AR: variants seen among roughly 807,000 people sequenced by gnomAD.
AR encodes dihydrotestosterone receptor.
AR carries 8 observed loss-of-function variants against 53.9 expected under a neutral mutation model. The observed-to-expected ratio is 0.15, with a 90% CI of 0.09 to 0.27. The LOEUF (loss-of-function observed/expected upper bound fraction) is 0.27. Ranked by LOEUF, AR falls within the 10% of genes least tolerant of loss-of-function variation. The probability of loss-of-function intolerance (pLI) is 1.00; values close to 1 mark genes in which losing one functional copy is unlikely to be tolerated. For synonymous variants in AR, 359 were observed against 316.4 expected (o/e 1.13, Z -1.43); for missense variants, 639 against 742.5 (o/e 0.86, Z 1.62).
rs1464294465 is a variant in AR at position 67,726,254 on chromosome X, TTTTC to T, written c.*2417_*2420del. 1.6e-4 allele frequency: 28 copies of T among 173,518 alleles called. No individual in the cohort carries two copies. The highest frequency in any genetic ancestry group is 2.1e-4 in the Non-Finnish European group (19 of 91,042). 14.3% of individuals were successfully genotyped at this position (173,518 alleles called of 1,213,427 possible). ...TTGGGGTGGGATAGACATGTTCTGG[TTTTC>T]TTTATTATTACACAATCTGGCTCAT... On this transcript the variant is annotated 3_prime_UTR_variant, in exon 8 of 8. Coordinates refer to ENST00000374690, the MANE Select transcript of AR (RefSeq NM_000044.6).
intron 1 of AR, among the ~76,000 whole-genome samples, chrX:67,609,024 A>G (rs1411933785): frequency 1.8e-5 from 2 of 110,640 alleles, no homozygotes; most frequent in African/African-American, 6.6e-5. Context: ...AGCCACATCT[A>G]TCTAGTTGCT....
chrX:67,729,218 G>A lies in AR; in HGVS notation c.*5377G>A, dbSNP rs1390228882. ...AATGTGTTTTTCTCTGTTAAAACTT[G>A]TCAGAGTACTAGAAGTTGTATCTCT... On this transcript the variant is annotated 3_prime_UTR_variant, in exon 8 of 8. Coordinates refer to ENST00000374690, the MANE Select transcript of AR (RefSeq NM_000044.6). 2.3e-5 allele frequency: 4 copies of A among 174,342 alleles called. No individual in the cohort carries two copies. Among genetic ancestry groups the A allele is most frequent in the African/African-American group, 8.8e-5 (3 of 34,055 alleles). 14.4% of individuals were successfully genotyped at this position (174,342 alleles called of 1,213,427 possible).
At chrX:67,640,673 T>A (rs1925707755) in intron 1 of AR, among the ~76,000 whole-genome samples, 1 of 111,508 alleles carries the variant, frequency 9.0e-6, no homozygotes, top group Non-Finnish European at 1.9e-5. Flanking sequence ...ATCCCCTTTA[T>A]CATTTTTTAT....
At chrX:67,688,647 T>G (rs2075979869) in intron 3 of AR, among the ~76,000 whole-genome samples, 1 of 111,825 alleles carries the variant, frequency 8.9e-6, no homozygotes, top group African/African-American at 3.3e-5. Flanking sequence ...AAGCTAATTT[T>G]AGTAATTAAG....
intron 3 of AR, among the ~76,000 whole-genome samples, chrX:67,706,742 G>T (rs1329766940): frequency 9.0e-6 from 1 of 111,082 alleles, no homozygotes; most frequent in Non-Finnish European, 1.9e-5. Context: ...GTGATGTTAG[G>T]GTGTCAATTT....
chrX:67,729,775 A>G lies in AR; in HGVS notation c.*5934A>G. On this transcript the variant is annotated 3_prime_UTR_variant, in exon 8 of 8. Coordinates refer to ENST00000374690, the MANE Select transcript of AR (RefSeq NM_000044.6). ...ACACCAAAGGAAAGACAATTCTGAA[A>G]TGCTGTTTCTCTGGTGGTTCCCTCT... The G allele has an allele frequency of 5.7e-6, 1 of 174,072 alleles. No individual in the cohort carries two copies. The highest frequency in any genetic ancestry group is 8.1e-5 in the East Asian group (1 of 12,303). The allele number at this position is 174,072 out of a possible 1,213,427, so 14.3% of individuals were successfully genotyped here.
chrX:67,664,382 T>C (rs1414281711), intron 2 of AR, among the ~76,000 whole-genome samples: 1 of 112,175 alleles, frequency 8.9e-6, no homozygotes, highest in Non-Finnish European at 1.9e-5. Context: ...GCAGGTCCAC[T>C]CCAGACCCTG....
chrX:67,654,147 A>T (rs752121603), intron 2 of AR, among the ~76,000 whole-genome samples: 1 of 111,115 alleles, frequency 9.0e-6, no homozygotes, highest in Non-Finnish European at 1.9e-5. Context: ...TCACTTTTGT[A>T]TGCCTCTATA....
chrX:67,556,955 G>A (rs757619812), intron 1 of AR, among the ~76,000 whole-genome samples: 8 of 111,240 alleles, frequency 7.2e-5, no homozygotes, highest in Non-Finnish European at 1.5e-4. Flanking sequence ...TAATGAGGTT[G>A]CATGGTAGGT....
rs2147316190 is a variant in AR, at chrX:67,545,545, A to G, written c.399A>G (p.Pro133=). The G allele has an allele frequency of 8.5e-7, 1 of 1,182,834 alleles. No individual in the cohort carries two copies. Among genetic ancestry groups the G allele is most frequent in the Non-Finnish European group, 1.1e-6 (1 of 881,117 alleles). Residue 133 remains proline, a synonymous_variant, in exon 1 of 8, where the codon CCA becomes CCG. Coordinates refer to ENST00000374690, the MANE Select transcript of AR (RefSeq NM_000044.6). ...LECHPERGCV[P]EPGAAVAASK... ...GCCACCCCGAGAGAGGTTGCGTCCC[A>G]GAGCCTGGAGCCGCCGTGGCCGCCA...
chrX:67,684,938 C>T (rs2075957674), intron 2 of AR, among the ~76,000 whole-genome samples: 1 of 111,084 alleles, frequency 9.0e-6, no homozygotes, highest in Non-Finnish European at 1.9e-5. Context: ...CACAAGCATT[C>T]TTCCTCTGCT....
At chrX:67,663,177 C>A (rs772420179) in intron 2 of AR, among the ~76,000 whole-genome samples, 1 of 111,420 alleles carries the variant, frequency 9.0e-6, no homozygotes, top group East Asian at 2.8e-4. Flanking sequence ...ATGATGTTAG[C>A]TGGTTATTTT....
chrX:67,705,628 A>G (rs1238328385), intron 3 of AR, among the ~76,000 whole-genome samples: 3 of 111,128 alleles, frequency 2.7e-5, no homozygotes, highest in Admixed American at 1.9e-4. Flanking sequence ...CTAATTGAAT[A>G]CCCTTTATTT....
At chrX:67,714,148 G>T (rs2076103937) in intron 4 of AR, among the ~76,000 whole-genome samples, 1 of 111,704 alleles carries the variant, frequency 9.0e-6, no homozygotes, top group Non-Finnish European at 1.9e-5. Flanking sequence ...GACTGGGTGT[G>T]CACAGTATAT....
At chrX:67,564,280 G>A (rs1257637542) in intron 1 of AR, among the ~76,000 whole-genome samples, 1 of 111,400 alleles carries the variant, frequency 9.0e-6, no homozygotes, top group Non-Finnish European at 1.9e-5. Flanking sequence ...CAGTCTATGG[G>A]GGAGTAAGTT....
At chrX:67,609,785 G>C (rs1448606508) in intron 1 of AR, among the ~76,000 whole-genome samples, 1 of 111,173 alleles carries the variant, frequency 9.0e-6, no homozygotes, top group Admixed American at 9.6e-5. Flanking sequence ...TAATTCAGAC[G>C]TATTCTCCGA....
In AR at chrX:67,544,924, G is replaced by A. The variant is rs1322746136; in HGVS notation, c.-223G>A. 2.4e-6 allele frequency: 1 copy of A among 411,648 alleles called. No individual in the cohort carries two copies. Among genetic ancestry groups the A allele is most frequent in the Non-Finnish European group, 4.1e-6 (1 of 244,562 alleles). 33.9% of individuals were successfully genotyped at this position (411,648 alleles called of 1,213,427 possible). On this transcript the variant is annotated 5_prime_UTR_variant, in exon 1 of 8. Transcript: ENST00000374690. ...TAAGAGACAGACTGTGAGCCTAGCA[G>A]GGCAGATCTTGTCCACCGTGTGTCT... is the stretch of plus-strand genomic sequence containing the variant.
chrX:67,717,726 C>G (rs1878885559), intron 5 of AR, 104 bp downstream of exon 5: 1 of 1,095,225 alleles, frequency 9.1e-7, no homozygotes, highest in South Asian at 1.9e-5. Flanking sequence ...CTCATTTGAT[C>G]TGCAGTTGTC....
chrX:67,723,275 C>T (rs184769884), intron 7 of AR, among the ~76,000 whole-genome samples: 7 of 102,662 alleles, frequency 6.8e-5, no homozygotes, highest in Admixed American at 6.2e-4. Flanking sequence ...ATGTTTTTCC[C>T]CTCTTCTTTG....
Sources: gnomAD v4.1 joint callset for allele counts (sites outside exome capture counted in the v4.1 genomes callset) on GRCh38, gnomAD v4.1.1 for gene constraint, MANE v1.5 for transcripts, NCBI Gene and HGNC (gene_info 2026-07-23, HGNC 2026-07-21) for gene names.